TOMM40L: variants seen among roughly 807,000 people sequenced by gnomAD.
TOMM40L encodes mitochondrial import receptor subunit TOM40B.
A neutral mutation model predicts 38.3 loss-of-function variants in TOMM40L; 17 were observed. The observed-to-expected ratio is 0.44, with a 90% CI of 0.30 to 0.67. The LOEUF is 0.67. Among genes scored for constraint, TOMM40L ranks in the 30% least tolerant of loss-of-function variants. The pLI, the probability that TOMM40L is intolerant of heterozygous loss-of-function variation, is 0.08. For synonymous variants in TOMM40L, 151 were observed against 150.2 expected (o/e 1.01, Z -0.04); for missense variants, 294 against 390.0 (o/e 0.75, Z 2.07).
chr1:161,226,335 C>T lies in TOMM40L; in HGVS notation c.-135-20C>T, dbSNP rs1377293850. The T allele has an allele frequency of 3.1e-6, 2 of 644,230 alleles. No homozygotes were observed. Among genetic ancestry groups the T allele is most frequent in the African/African-American group, 1.8e-5 (1 of 54,484 alleles). The allele number at this position is 644,230 out of a possible 1,614,324, so 39.9% of individuals were successfully genotyped here. ...TTGTCTCTCCATGAGTGCTCTCCTT[C>T]CCTACTCTTCCTGTTCCAGGTGTAG... is the stretch of plus-strand genomic sequence containing the variant. On this transcript the variant is annotated intron_variant, in intron 1 of 9. Transcript: ENST00000367988.
rs915767511 is a variant in TOMM40L at position 161,230,724 on chromosome 1, C to A, written c.*1629C>A. 3.8e-6 allele frequency: 6 copies of A among 1,565,442 alleles called. No homozygotes were observed. The highest frequency in any genetic ancestry group is 5.2e-6 in the Non-Finnish European group (6 of 1,145,246). On this transcript the variant is annotated 3_prime_UTR_variant, in exon 10 of 10. Coordinates refer to ENST00000367988, the MANE Select transcript of TOMM40L (RefSeq NM_032174.6). ...ATACCTGAATTCCCTAAGGAAAGGACAGTAAAAAAACATTCCTCCCAAGCT... is the reference window on the plus strand; with the variant it reads ...ATACCTGAATTCCCTAAGGAAAGGAAAGTAAAAAAACATTCCTCCCAAGCT...
At position 161,227,892 on chromosome 1, in the gene TOMM40L, G is replaced by A; in HGVS notation, c.387G>A (p.Gln129=). The A allele has an allele frequency of 3.7e-6, 6 of 1,614,146 alleles. No homozygotes were observed. The highest frequency in any genetic ancestry group is 1.3e-5 in the African/African-American group (1 of 75,036). The stretch of plus-strand genomic sequence containing the variant: ...TTGCTCTTGCCACCCAGACGCAGCA[G>A]GCCAAGTTCCTGACATGGCAGTTTG... ...LRAKAVFQTQ[Q]AKFLTWQFDG... Residue 129 remains glutamine, a synonymous_variant, in exon 6 of 10, where the codon CAG becomes CAA. Transcript: ENST00000367988.
intron 8 of TOMM40L, 71 bp from the exon 9 acceptor site, chr1:161,228,644 G>A (rs1666554713): frequency 6.3e-7 from 1 of 1,584,674 alleles, no homozygotes; most frequent in Middle Eastern, 1.7e-4. Flanking sequence ...CCATTCTGCT[G>A]ATTCCCCATC....
rs1666466710 is a variant in TOMM40L at position 161,227,899 on chromosome 1, T to C, written c.394T>C (p.Phe132Leu). The change falls in exon 6 of 10, where the codon TTC becomes CTC. Residue 132 changes from phenylalanine to leucine, a missense_variant. Coordinates refer to ENST00000367988, the MANE Select transcript of TOMM40L (RefSeq NM_032174.6). ...TGCCACCCAGACGCAGCAGGCCAAG[T>C]TCCTGACATGGCAGTTTGATGGCGA... ...KAVFQTQQAK[F>L]LTWQFDGEYR... The C allele has an allele frequency of 6.2e-7, 1 of 1,614,036 alleles. No homozygotes were observed. The highest frequency in any genetic ancestry group is 1.7e-5 in the Admixed American group (1 of 60,000).
At chr1:161,227,068 A>T in intron 3 of TOMM40L, 113 bp downstream of exon 3, 1 of 1,371,180 alleles carries the variant, frequency 7.3e-7, no homozygotes, top group Non-Finnish European at 1.0e-6. Flanking sequence ...CAAATGAGGG[A>T]GGATGTGGGG....
chr1:161,226,483 G>A lies in TOMM40L; in HGVS notation c.-7G>A, dbSNP rs1222122704. On this transcript the variant is annotated 5_prime_UTR_variant, in exon 2 of 10. Transcript: ENST00000367988. ...AACCTCGGCTCTTCCCAGTCCTCTG[G>A]ACTAAAATGGGGAACACATTGGGCC... is the stretch of plus-strand genomic sequence containing the variant. The A allele has an allele frequency of 6.2e-7, 1 of 1,613,104 alleles. No individual in the cohort carries two copies. Among genetic ancestry groups the A allele is most frequent in the Non-Finnish European group, 8.5e-7 (1 of 1,179,498 alleles).
chr1:161,226,657 G>T (rs767574871), intron 2 of TOMM40L, 53 bp downstream of exon 2: 153 of 1,554,256 alleles, frequency 9.8e-5, no homozygotes, highest in Non-Finnish European at 1.3e-4. Context: ...GGAGTGGAGG[G>T]TCTTGAATGC....
intron 3 of TOMM40L, 67 bp from the exon 4 acceptor site, chr1:161,227,191 A>G: frequency 2.0e-6 from 3 of 1,481,108 alleles, no homozygotes; most frequent in Non-Finnish European, 2.8e-6. Context: ...GAAAAGACTA[A>G]GGGTGGGATG....
chr1:161,229,671 G>C lies in TOMM40L; in HGVS notation c.*576G>C. 6.2e-7 allele frequency: 1 copy of C among 1,613,906 alleles called. No homozygotes were observed. Among genetic ancestry groups the C allele is most frequent in the Admixed American group, 1.7e-5 (1 of 60,034 alleles). ...ATGACCGCATGAAGAGGCAGTTATT[G>C]CTTTAGTCTTTCATTGCAACCACTG... On this transcript the variant is annotated 3_prime_UTR_variant, in exon 10 of 10. Transcript: ENST00000367988.
Position 161,230,013 on chromosome 1 carries a change from CTAT to C in TOMM40L, c.*920_*922del. The C allele has an allele frequency of 6.6e-7, 1 of 1,506,826 alleles. No homozygotes were observed. Among genetic ancestry groups the C allele is most frequent in the Non-Finnish European group, 9.1e-7 (1 of 1,097,312 alleles). The allele number at this position is 1,506,826 out of a possible 1,614,324, so 93.3% of individuals were successfully genotyped here. A position where few individuals can be genotyped will look rare whatever the true frequency, so the allele number is the denominator to read the frequency against. On this transcript the variant is annotated 3_prime_UTR_variant, in exon 10 of 10. Coordinates refer to ENST00000367988, the MANE Select transcript of TOMM40L (RefSeq NM_032174.6). ...TGTCTCTAGGCCCTGATCCCCTGAA[CTAT>C]TCCTCAGTGAAGCCAGGTCTGAACA...
At chr1:161,228,576 C>A (rs779919169) in intron 8 of TOMM40L, 72 bp downstream of exon 8, 9 of 1,581,732 alleles carry the variant, frequency 5.7e-6, no homozygotes, top group South Asian at 1.1e-5. Flanking sequence ...GGACCTCTAT[C>A]GCCCTGCTGA....
rs775630191 is a variant in TOMM40L at position 161,227,253 on chromosome 1, C to T, written c.184-5C>T. On this transcript the variant is annotated splice_polypyrimidine_tract_variant and splice_region_variant and intron_variant, in intron 3 of 9. Transcript: ENST00000367988. ...CTTTTCTCCACTGAATCCTCTTTTC[C>T]TCAGGTGGCGCACACTATACACATG... The T allele has an allele frequency of 6.2e-7, 1 of 1,613,890 alleles. No individual in the cohort carries two copies. The highest frequency in any genetic ancestry group is 1.7e-5 in the Admixed American group (1 of 59,988).
Position 161,228,246 on chromosome 1 carries a change from T to G in TOMM40L, c.545T>G (p.Leu182Arg). ...LTHRLVLGGE[L>R]VYHRRPGEEG... ...CATCGGCTGGTGCTGGGAGGAGAGC[T>G]AGTTTATCACCGGCGGCCAGGCGAA... is the stretch of plus-strand genomic sequence containing the variant. Residue 182 changes from leucine to arginine, a missense_variant, in exon 7 of 10, where the codon CTA (leucine) becomes CGA (arginine). Physicochemically the swap from Leu to Arg is moderately radical, Grantham distance 102. Transcript: ENST00000367988. 10 of 1,607,978 alleles carry G rather than the reference T, an allele frequency of 6.2e-6. No individual in the cohort carries two copies. The highest frequency in any genetic ancestry group is 8.5e-6 in the Non-Finnish European group (10 of 1,176,364).
rs756883823 is a variant in TOMM40L, at chr1:161,228,820, G to A, written c.787+3G>A. 1.2e-6 allele frequency: 2 copies of A among 1,614,182 alleles called. No individual in the cohort carries two copies. Among genetic ancestry groups the A allele is most frequent in the South Asian group, 1.1e-5 (1 of 91,086 alleles). ...CCAGGCCAACATGGTATTTAGAGGT[G>A]AGGGTTATTGGGAGACATTTGGCTA... On this transcript the variant is annotated splice_donor_region_variant and intron_variant, in intron 9 of 9. Coordinates refer to ENST00000367988, the MANE Select transcript of TOMM40L (RefSeq NM_032174.6).
intron 3 of TOMM40L, 70 bp downstream of exon 3, chr1:161,227,025 T>A: frequency 6.3e-7 from 1 of 1,580,438 alleles, no homozygotes; most frequent in Non-Finnish European, 8.7e-7. Context: ...TCTCCTTTCC[T>A]TTGTACTCCA....
intron 5 of TOMM40L, 26 bp downstream of exon 5, chr1:161,227,763 C>G (rs373637692): frequency 3.1e-6 from 5 of 1,601,162 alleles, no homozygotes; most frequent in Non-Finnish European, 4.3e-6. Flanking sequence ...GCCTCCATCC[C>G]CTGAGGCACT....
chr1:161,228,630 G>A (rs1666553232), intron 8 of TOMM40L, 85 bp from the exon 9 acceptor site: 2 of 1,559,660 alleles, frequency 1.3e-6, no homozygotes, highest in African/African-American at 2.7e-5. Flanking sequence ...TTACATGCAT[G>A]CCTCCATTCT....
At chr1:161,227,454 C>A (rs4233368) in intron 4 of TOMM40L, 104 bp downstream of exon 4, 319,925 of 1,162,718 alleles carry the variant, frequency 0.28, 46,096 homozygotes, top group African/African-American at 0.41. Flanking sequence ...GGGCCGTAAC[C>A]TGATTCTCTG....
intron 3 of TOMM40L, 44 bp downstream of exon 3, chr1:161,226,999 T>G: frequency 6.2e-7 from 1 of 1,607,442 alleles, no homozygotes; most frequent in Non-Finnish European, 8.5e-7. Flanking sequence ...CCCCCTTTCC[T>G]GTCCCTGGAT....
Sources: allele counts gnomAD v4.1 joint callset, GRCh38; gene constraint gnomAD v4.1.1; transcripts MANE v1.5; gene names NCBI Gene and HGNC (gene_info 2026-07-23, HGNC 2026-07-21).